The following ZNF540 variants were observed in gnomAD, a reference collection of about 807,000 sequenced individuals.
ZNF540 encodes zinc finger protein 540, also known as CTD-3064H18.6.
ZNF540 carries 3 observed loss-of-function variants against 11.8 expected under a neutral mutation model. That is an observed-to-expected ratio of 0.25 (90% CI 0.12 to 0.65). The LOEUF is 0.65. Ranked by LOEUF, ZNF540 falls within the 30% of genes least tolerant of loss-of-function variation. The pLI, the probability that ZNF540 is intolerant of heterozygous loss-of-function variation, is 0.83. For synonymous variants in ZNF540, 247 were observed against 259.0 expected, an observed-to-expected ratio of 0.95 and a Z score of 0.45; for missense variants, 709 against 793.1, an observed-to-expected ratio of 0.89 and a Z score of 1.27.
chr19:37,563,682 CGTGGAATGTATACATAT>C (rs2042750278), intron 1 of ZNF540: 1 of 150,316 alleles, frequency 6.7e-6, no homozygotes. Context: ...TATATACACA[CGTGGAATGTATACATAT>C]GTGGAATATA....
In ZNF540 at chr19:37,612,877, A is replaced by G. The variant is rs745888380; in HGVS notation, c.1597A>G (p.Ile533Val). 1 of 1,614,120 alleles carries G rather than the reference A, an allele frequency of 6.2e-7. No individual in the cohort carries two copies. The highest frequency in any genetic ancestry group is 8.5e-7 in the Non-Finnish European group (1 of 1,180,002). ...YKCKECGKAF[I>V]RRGNLKEHLK... ...ATGTAAAGAATGTGGAAAGGCCTTT[A>G]TTCGTAGAGGGAATCTTAAAGAACA... The change falls in exon 5 of 5, where the codon ATT becomes GTT. Residue 533 changes from isoleucine (I) to valine (V), a missense_variant. Transcript: ENST00000316433.
At chr19:37,564,495 T>C (rs1281027190) in intron 1 of ZNF540, 2 of 1,119,644 alleles carry the variant, frequency 1.8e-6, no homozygotes, top group Non-Finnish European at 1.2e-6. Context: ...ATGTAGGCCT[T>C]CTAAGAATGA....
At chr19:37,610,867 T>C (rs892089993) in intron 4 of ZNF540, 2 of 152,154 alleles carry the variant, frequency 1.3e-5, no homozygotes, top group Admixed American at 6.5e-5. Context: ...AAAATTCAGA[T>C]ACCAAATTAC....
intron 1 of ZNF540, chr19:37,555,694 G>A (rs568633620): frequency 6.8e-6 from 4 of 591,162 alleles, no homozygotes; most frequent in African/African-American, 3.7e-5. Context: ...TTAAAGGCCC[G>A]ATTGGCTTGG....
intron 1 of ZNF540, chr19:37,566,503 T>A: frequency 1.9e-6 from 1 of 524,760 alleles, no homozygotes; most frequent in Non-Finnish European, 3.2e-6. Flanking sequence ...AAAAATAGGT[T>A]AAGTCAGTGG....
Position 37,598,337 on chromosome 19 carries a change from C to A in ZNF540, c.-72-39C>A, listed in dbSNP as rs550739820. Reference sequence around the variant, plus strand: ...ATCATATTGTTACCTCTGAGGCAGACCTAGTCTCACTGTCTCATTTTTTTC... The same window carrying A: ...ATCATATTGTTACCTCTGAGGCAGAACTAGTCTCACTGTCTCATTTTTTTC... On this transcript the variant is annotated intron_variant, in intron 1 of 4. Coordinates refer to ENST00000316433, the MANE Select transcript of ZNF540 (RefSeq NM_001172225.3). The A allele has an allele frequency of 2.2e-5, 23 of 1,034,262 alleles. No homozygotes were observed. In the East Asian group the frequency reaches 2.6e-4, roughly 12 times the overall value. 64.1% of individuals were successfully genotyped at this position (1,034,262 alleles called of 1,614,324 possible).
intron 1 of ZNF540, 77 bp from the exon 2 acceptor site, chr19:37,598,299 A>G: frequency 1.4e-6 from 1 of 736,168 alleles, no homozygotes; most frequent in East Asian, 2.7e-5. Flanking sequence ...AAAATAAAAG[A>G]TTATTAATTT....
intron 1 of ZNF540, chr19:37,597,352 T>C (rs1482377918): frequency 6.6e-6 from 1 of 152,174 alleles, no homozygotes; most frequent in African/African-American, 2.4e-5. Flanking sequence ...GATCCCAGTG[T>C]GCAAGTATAA....
At chr19:37,611,323 G>A (rs980621179) in intron 4 of ZNF540, 190 bp from the exon 5 acceptor site, 25 of 445,698 alleles carry the variant, frequency 5.6e-5, no homozygotes, top group East Asian at 5.2e-4. Flanking sequence ...CACCGCGCCC[G>A]GCTATAATCT....
chr19:37,565,092 G>A, intron 1 of ZNF540: 2 of 1,613,246 alleles, frequency 1.2e-6, no homozygotes, highest in Non-Finnish European at 1.7e-6. Context: ...CATTCAAAGG[G>A]TTTCTCACCT....
At chr19:37,605,434 G>C (rs2044077535) in intron 4 of ZNF540, among the ~76,000 whole-genome samples, 1 of 152,162 alleles carries the variant, frequency 6.6e-6, no homozygotes, top group Non-Finnish European at 1.5e-5. Context: ...TGGATCACGA[G>C]GTCAGGAGTT....
At chr19:37,578,044 T>A (rs1046260482) in intron 1 of ZNF540, among the ~76,000 whole-genome samples, 12 of 152,088 alleles carry the variant, frequency 7.9e-5, no homozygotes, top group Non-Finnish European at 1.5e-4. Context: ...TATAGTAAAG[T>A]GTGCACAGGA....
At chr19:37,577,275 A>G (rs990853137) in intron 1 of ZNF540, among the ~76,000 whole-genome samples, 29 of 152,156 alleles carry the variant, frequency 1.9e-4, no homozygotes, top group Admixed American at 1.9e-3. Flanking sequence ...AATCATAACA[A>G]AGTAAGCATA....
rs754832513 is a variant in ZNF540, at chr19:37,565,724, C to A, written c.-73+14059C>A. 2.0e-5 allele frequency: 33 copies of A among 1,613,788 alleles called. 1 individual carries two copies. The Admixed American group carries it at 3.2e-4, about 15-fold the overall frequency. ...TCTCTGATGTTCAGTGAGCTGTGAA[C>A]CACGAATAAAAGCTTTCCCACATGC... On this transcript the variant is annotated intron_variant, in intron 1 of 4. Coordinates refer to the ZNF540 transcript ENST00000592533.
intron 4 of ZNF540, among the ~76,000 whole-genome samples, chr19:37,609,676 T>C (rs981710622): frequency 2.0e-5 from 3 of 151,806 alleles, no homozygotes; most frequent in Admixed American, 2.0e-4. Context: ...AGTAAAACCC[T>C]GTCTCTACTA....
chr19:37,566,301 A>G, intron 1 of ZNF540: 1 of 1,573,454 alleles, frequency 6.4e-7, no homozygotes. Flanking sequence ...TCTGTAGAAT[A>G]AAAAGAAAGC....
At chr19:37,590,252 T>C (rs1287643083), upstream of ZNF540, among the ~76,000 whole-genome samples, 1 of 149,834 alleles carries the variant, frequency 6.7e-6, no homozygotes, top group African/African-American at 2.5e-5. Context: ...TAAAAAAAAA[T>C]AAAAATAAAA....
At chr19:37,578,768 T>C (rs2043338571) in intron 1 of ZNF540, among the ~76,000 whole-genome samples, 1 of 152,024 alleles carries the variant, frequency 6.6e-6, no homozygotes, top group Non-Finnish European at 1.5e-5. Flanking sequence ...CCCTACCTCC[T>C]CTGAGGCGGC....
chr19:37,591,750 G>A (rs991465752), upstream of ZNF540, among the ~76,000 whole-genome samples: 1 of 151,982 alleles, frequency 6.6e-6, no homozygotes, highest in East Asian at 1.9e-4. Flanking sequence ...CTCCATGTTG[G>A]TCAGGCTGGC....
Sources: gnomAD v4.1 joint callset for allele counts (sites outside exome capture counted in the v4.1 genomes callset) on GRCh38, gnomAD v4.1.1 for gene constraint, MANE v1.5 for transcripts, NCBI Gene and HGNC (gene_info 2026-07-23, HGNC 2026-07-21) for gene names.